The following STPG2 variants were observed in gnomAD, a reference collection of about 807,000 sequenced individuals.
The protein encoded by STPG2 is sperm tail PG-rich repeat containing 2.
Under a neutral mutation model 54.2 loss-of-function variants are expected in STPG2, and 56 were observed. The ratio of observed to expected loss-of-function variants is 1.03; its 90% CI spans 0.83 to 1.29. STPG2 has a LOEUF of 1.29. Among genes scored for constraint, STPG2 ranks in the 50% most tolerant of loss-of-function variants. The probability of loss-of-function intolerance (pLI) is 0.00; values close to 1 mark genes in which losing one functional copy is unlikely to be tolerated. For missense variants in STPG2, 596 were observed against 544.9 expected, an observed-to-expected ratio of 1.09 and a Z score of -0.93; for synonymous variants, 200 against 181.8, an observed-to-expected ratio of 1.10 and a Z score of -0.81.
intron 10 of STPG2, among the ~76,000 whole-genome samples, chr4:97,664,634 G>A (rs997475487): frequency 1.3e-5 from 2 of 152,116 alleles, no homozygotes; most frequent in African/African-American, 4.8e-5. Flanking sequence ...GTTTCCTTGT[G>A]AGGTACTCCA....
At chr4:97,596,266 T>G (rs774051129) in intron 10 of STPG2, among the ~76,000 whole-genome samples, 8 of 152,130 alleles carry the variant, frequency 5.3e-5, no homozygotes, top group African/African-American at 1.7e-4. Flanking sequence ...AAAAAGTAAG[T>G]TCTTTGAGAT....
intron 9 of STPG2, among the ~76,000 whole-genome samples, chr4:97,767,418 CAG>C (rs1726087980): frequency 6.6e-6 from 1 of 152,082 alleles, no homozygotes; most frequent in Non-Finnish European, 1.5e-5. Context: ...AACAATAATA[CAG>C]AGAGTCTGAA....
chr4:98,041,955 T>C (rs1736973196), intron 5 of STPG2, among the ~76,000 whole-genome samples: 1 of 152,002 alleles, frequency 6.6e-6, no homozygotes, highest in Non-Finnish European at 1.5e-5. Context: ...TATGAATCCA[T>C]CTGGTCCTAG....
intron 7 of STPG2, among the ~76,000 whole-genome samples, chr4:97,955,538 G>C (rs544465882): frequency 6.6e-6 from 1 of 152,080 alleles, no homozygotes; most frequent in African/African-American, 2.4e-5. Context: ...TTCTAAGAGT[G>C]TTCGAGGCAT....
intron 10 of STPG2, among the ~76,000 whole-genome samples, chr4:97,592,231 A>T (rs1367602566): frequency 6.6e-6 from 1 of 152,128 alleles, no homozygotes; most frequent in South Asian, 2.1e-4. Context: ...TTTATTTATT[A>T]TGTAAAAGAA....
chr4:98,104,422 T>C (rs539330949), intron 5 of STPG2, among the ~76,000 whole-genome samples: 1 of 152,300 alleles, frequency 6.6e-6, no homozygotes, highest in African/African-American at 2.4e-5. Context: ...TAATTCCTTA[T>C]TCTTTTTACT....
chr4:97,918,246 A>C (rs762502660), intron 8 of STPG2, among the ~76,000 whole-genome samples: 47 of 152,322 alleles, frequency 3.1e-4, no homozygotes, highest in Non-Finnish European at 5.4e-4. Flanking sequence ...AAACTAGTTC[A>C]TAAAAATAGA....
intron 9 of STPG2, among the ~76,000 whole-genome samples, chr4:97,815,859 T>C (rs1283604468): frequency 6.6e-6 from 1 of 152,166 alleles, no homozygotes; most frequent in African/African-American, 2.4e-5. Flanking sequence ...CTTGACTGGT[T>C]CACAGGATTC....
intron 10 of STPG2, among the ~76,000 whole-genome samples, chr4:97,695,117 C>A (rs1438644761): frequency 6.6e-6 from 1 of 150,554 alleles, no homozygotes; most frequent in Non-Finnish European, 1.5e-5. Context: ...CTAGCCAAAC[C>A]CAAAAGCATA....
chr4:97,663,481 T>C (rs1484205090), intron 10 of STPG2, among the ~76,000 whole-genome samples: 1 of 152,210 alleles, frequency 6.6e-6, no homozygotes, highest in Non-Finnish European at 1.5e-5. Flanking sequence ...AAATATTGCA[T>C]TTTTATAACA....
At chr4:97,998,079 T>C (rs112101875) in intron 5 of STPG2, among the ~76,000 whole-genome samples, 1 of 152,114 alleles carries the variant, frequency 6.6e-6, no homozygotes, top group Non-Finnish European at 1.5e-5. Flanking sequence ...TCGGTGATGA[T>C]AAAATAATAA....
At chr4:97,833,837 G>A (rs901488535) in intron 9 of STPG2, among the ~76,000 whole-genome samples, 4 of 152,070 alleles carry the variant, frequency 2.6e-5, no homozygotes, top group African/African-American at 4.8e-5. Flanking sequence ...TTAGAATGGT[G>A]ATGATTAAAA....
intron 5 of STPG2, chr4:98,025,680 A>T: frequency 1.8e-6 from 2 of 1,116,470 alleles, no homozygotes; most frequent in South Asian, 1.2e-5. Flanking sequence ...GTTGCAGCGT[A>T]TTGTACTGGC....
intron 7 of STPG2, among the ~76,000 whole-genome samples, chr4:97,954,028 C>T (rs1394470160): frequency 1.3e-5 from 2 of 152,106 alleles, no homozygotes; most frequent in Non-Finnish European, 2.9e-5. Flanking sequence ...GAAATTATTA[C>T]GTTAAAAATT....
chr4:97,742,192 C>T (rs1472642572), intron 9 of STPG2, among the ~76,000 whole-genome samples: 3 of 151,616 alleles, frequency 2.0e-5, no homozygotes, highest in African/African-American at 7.3e-5. Flanking sequence ...GGAAGGAGAA[C>T]ATCACACTCT....
At chr4:98,105,681 A>T (rs1739167884) in intron 5 of STPG2, among the ~76,000 whole-genome samples, 1 of 152,096 alleles carries the variant, frequency 6.6e-6, no homozygotes, top group Non-Finnish European at 1.5e-5. Context: ...GAAAATTCAC[A>T]GGGATTTTTG....
chr4:97,942,149 A>G (rs933995180), intron 8 of STPG2, among the ~76,000 whole-genome samples: 4 of 150,356 alleles, frequency 2.7e-5, no homozygotes, highest in Non-Finnish European at 5.9e-5. Context: ...GTATATATAT[A>G]TATATTTAAA....
At chr4:97,725,668 A>C (rs960648557) in intron 9 of STPG2, among the ~76,000 whole-genome samples, 1 of 151,872 alleles carries the variant, frequency 6.6e-6, no homozygotes. Flanking sequence ...TATTTAAAAA[A>C]AAATTCTATT....
intron 8 of STPG2, among the ~76,000 whole-genome samples, chr4:97,852,233 A>T (rs1729184119): frequency 6.6e-6 from 1 of 152,230 alleles, no homozygotes; most frequent in South Asian, 2.1e-4. Flanking sequence ...GTAGGATTCC[A>T]ATCAATTTAT....
Sources: allele counts gnomAD v4.1 joint callset (sites outside exome capture counted in the v4.1 genomes callset), GRCh38; gene constraint gnomAD v4.1.1; transcripts MANE v1.5; gene names NCBI Gene and HGNC (gene_info 2026-07-23, HGNC 2026-07-21).